Variants in NBEA observed in about 807,000 individuals in gnomAD.
The protein encoded by NBEA is neurobeachin.
NBEA carries 44 observed loss-of-function variants against 343.4 expected under a neutral mutation model. That is an observed-to-expected ratio of 0.13 (90% CI 0.10 to 0.16). NBEA has a LOEUF of 0.16. Ranked by LOEUF, NBEA falls within the 10% of genes least tolerant of loss-of-function variation. NBEA has a pLI of 1.00. For synonymous variants in NBEA, 1,175 were observed against 1,238.7 expected (o/e 0.95, Z 1.08); for missense variants, 2,555 against 3,631.3 (o/e 0.70, Z 7.62).
intron 41 of NBEA, among the ~76,000 whole-genome samples, chr13:35,544,277 G>T (rs9530694): frequency 0.048 from 7,266 of 152,098 alleles, 277 homozygotes; most frequent in Middle Eastern, 0.1. Flanking sequence ...ACAAAATTTA[G>T]ATTTTTTTCG....
intron 38 of NBEA, among the ~76,000 whole-genome samples, chr13:35,408,203 C>G (rs1238984605): frequency 6.6e-6 from 1 of 152,084 alleles, no homozygotes; most frequent in Non-Finnish European, 1.5e-5. Flanking sequence ...GAAATAAAAC[C>G]AGATACATAC....
At chr13:35,603,032 C>T (rs1454668678) in intron 47 of NBEA, among the ~76,000 whole-genome samples, 2 of 152,126 alleles carry the variant, frequency 1.3e-5, no homozygotes, top group African/African-American at 4.8e-5. Context: ...ACTTTTGAGC[C>T]TTTTAAATGT....
intron 34 of NBEA, among the ~76,000 whole-genome samples, chr13:35,254,175 C>T (rs922711979): frequency 2.0e-5 from 3 of 151,790 alleles, no homozygotes; most frequent in Admixed American, 6.6e-5. Flanking sequence ...AAGAACTTTG[C>T]CCCTTGATGA....
chr13:35,059,761 C>T (rs34356691), intron 8 of NBEA, among the ~76,000 whole-genome samples: 27 of 110,900 alleles, frequency 2.4e-4, no homozygotes, highest in Middle Eastern at 4.1e-3. Context: ...TATATATATA[C>T]AGAGAGAGAG....
intron 55 of NBEA, among the ~76,000 whole-genome samples, chr13:35,657,895 A>G (rs969989620): frequency 6.6e-6 from 1 of 152,162 alleles, no homozygotes; most frequent in Non-Finnish European, 1.5e-5. Flanking sequence ...CTGAGATAAG[A>G]TGTTTTATAT....
chr13:35,612,278 G>A (rs1231081696), intron 48 of NBEA, among the ~76,000 whole-genome samples: 4 of 151,800 alleles, frequency 2.6e-5, no homozygotes, highest in South Asian at 2.1e-4. Context: ...GACTACAGGC[G>A]CTCGCCACCA....
chr13:35,514,713 A>G (rs2077417569), intron 41 of NBEA, among the ~76,000 whole-genome samples: 1 of 152,214 alleles, frequency 6.6e-6, no homozygotes, highest in Non-Finnish European at 1.5e-5. Context: ...CAAACAAAAA[A>G]GAGGTCGAAA....
chr13:35,384,973 C>T (rs558370811), intron 38 of NBEA, among the ~76,000 whole-genome samples: 2 of 152,186 alleles, frequency 1.3e-5, no homozygotes, highest in Non-Finnish European at 2.9e-5. Context: ...ATATTATCTA[C>T]TTTTTGATGT....
intron 38 of NBEA, among the ~76,000 whole-genome samples, chr13:35,421,334 T>G (rs1212217964): frequency 6.6e-6 from 1 of 152,056 alleles, no homozygotes. Context: ...GTATATCCCT[T>G]TGTGTAGCTT....
At chr13:35,613,688 A>C (rs2082619603) in intron 48 of NBEA, among the ~76,000 whole-genome samples, 1 of 152,036 alleles carries the variant, frequency 6.6e-6, no homozygotes, top group Admixed American at 6.6e-5. Context: ...TGGTGCAATC[A>C]GTGACCACTG....
At chr13:34,969,290 A>G (rs2059923474) in intron 1 of NBEA, among the ~76,000 whole-genome samples, 1 of 151,964 alleles carries the variant, frequency 6.6e-6, no homozygotes, top group African/African-American at 2.4e-5. Flanking sequence ...AAGTTAAAGC[A>G]TGAACATTTA....
intron 36 of NBEA, among the ~76,000 whole-genome samples, chr13:35,338,046 C>G (rs767572025): frequency 1.3e-4 from 20 of 151,632 alleles, no homozygotes; most frequent in East Asian, 3.9e-4. Context: ...CTCCCCGCCC[C>G]CAACAGGACA....
intron 48 of NBEA, among the ~76,000 whole-genome samples, chr13:35,625,873 A>C (rs2083208626): frequency 6.6e-6 from 1 of 152,182 alleles, no homozygotes; most frequent in Non-Finnish European, 1.5e-5. Flanking sequence ...CAGTTGATGG[A>C]GATAAGGACG....
At chr13:35,667,591 C>T in intron 57 of NBEA, 21 bp downstream of exon 57, 2 of 1,596,560 alleles carry the variant, frequency 1.3e-6, no homozygotes, top group Non-Finnish European at 1.7e-6. Context: ...ATAGTTCGTG[C>T]TAAGTAGGAC....
chr13:35,075,728 C>T (rs2064084741), intron 10 of NBEA, among the ~76,000 whole-genome samples: 1 of 152,034 alleles, frequency 6.6e-6, no homozygotes, highest in Non-Finnish European at 1.5e-5. Context: ...TTGAATTTTA[C>T]AGCCACTTTA....
rs770327662 is a variant in NBEA, at chr13:35,159,661, A to G, written c.3490A>G (p.Ser1164Gly). Reference protein sequence around the residue: ...QEEKLLPELSSNHIIPNIQDT... With the variant: ...QEEKLLPELSGNHIIPNIQDT... ...GGAAAAACTACTTCCTGAACTTTCT[A>G]GCAATCACATTATTCCAAATATTCA... is the stretch of plus-strand genomic sequence containing the variant. Residue 1164 changes from serine (S) to glycine (G), a missense_variant, in exon 22 of 59, where the codon AGC becomes GGC. Physicochemically the swap from Ser to Gly is moderately conservative, Grantham distance 56. Around this residue, in one of 21 missense-constraint regions of NBEA, gnomAD observed 367 missense variants for 377.5 expected, o/e 0.97. Coordinates refer to ENST00000379939, the MANE Select transcript of NBEA (RefSeq NM_001385012.1). 2.6e-5 allele frequency: 42 copies of G among 1,611,402 alleles called. No homozygotes were observed. The highest frequency in any genetic ancestry group is 4.0e-5 in the African/African-American group (3 of 74,884).
intron 34 of NBEA, among the ~76,000 whole-genome samples, chr13:35,250,414 C>T (rs2031814955): frequency 6.6e-6 from 1 of 151,960 alleles, no homozygotes. Flanking sequence ...TACAAGCAGT[C>T]AGTAAACATG....
At chr13:35,353,446 A>G (rs1051825938) in intron 38 of NBEA, among the ~76,000 whole-genome samples, 2 of 151,876 alleles carry the variant, frequency 1.3e-5, no homozygotes, top group Non-Finnish European at 2.9e-5. Flanking sequence ...AAAAAAAAAG[A>G]TTCTGTTAGA....
chr13:35,343,858 A>G (rs1374522646), intron 36 of NBEA, among the ~76,000 whole-genome samples: 1 of 152,136 alleles, frequency 6.6e-6, no homozygotes, highest in Non-Finnish European at 1.5e-5. Flanking sequence ...GGTGAGTTGT[A>G]TAATTATTTC....
Sources: allele counts gnomAD v4.1 joint callset (sites outside exome capture counted in the v4.1 genomes callset), GRCh38; gene constraint gnomAD v4.1.1; regional missense constraint gnomAD v4.1.1; transcripts MANE v1.5; gene names NCBI Gene and HGNC (gene_info 2026-07-23, HGNC 2026-07-21).